The following UBR4 variants were observed in gnomAD, a reference collection of about 807,000 sequenced individuals.
The protein encoded by UBR4 is E3 ubiquitin-protein ligase UBR4.
In UBR4, 124 loss-of-function variants were observed where a neutral mutation model predicts 575.6. The ratio of observed to expected loss-of-function variants is 0.22; its 90% CI spans 0.19 to 0.25. The LOEUF (loss-of-function observed/expected upper bound fraction) is 0.25. UBR4 is among the 10% of genes least tolerant of loss of function. The pLI is 1.00. For missense variants in UBR4, 4,818 were observed against 6,478.8 expected (o/e 0.74, Z 8.80); for synonymous variants, 2,455 against 2,473.7 (o/e 0.99, Z 0.22).
chr1:19,198,790 A>G lies in UBR4; in HGVS notation c.508+9T>C, dbSNP rs762928985. 2 of 1,614,214 alleles carry G rather than the reference A, an allele frequency of 1.2e-6. No individual in the cohort carries two copies. The highest frequency in any genetic ancestry group is 2.2e-5 in the South Asian group (2 of 91,084). ...GTCATGTGATCAGATCTGTCAAAGG[A>G]ACACCCACCGTCTGAAAGTGTCTTC... On this transcript the variant is annotated intron_variant, in intron 4 of 105. Transcript: ENST00000375254.
intron 61 of UBR4, 60 bp downstream of exon 61, chr1:19,128,918 G>A (rs1455648948): frequency 5.4e-6 from 8 of 1,470,064 alleles, no homozygotes; most frequent in African/African-American, 1.4e-5. Flanking sequence ...GAGAGATGTG[G>A]GCATGCTTAA....
Position 19,093,320 on chromosome 1 carries a change from C to T in UBR4, c.14104G>A (p.Ala4702Thr), listed in dbSNP as rs573168073. The T allele has an allele frequency of 1.2e-4, 200 of 1,613,510 alleles. 3 individuals are homozygous for T. In the Middle Eastern group the frequency reaches 1.4e-3, roughly 11 times the overall value. ...TGCGGGAGGGCTTCATACTTCTTGG[C>T]GCTAGGGATGTGCTTTTTCATGTAG... ...LDYMKKHIPS[A>T]KNLDADIWKK... The change falls in exon 96 of 106, where the codon GCC becomes ACC. Residue 4702 changes from alanine (A) to threonine (T), a missense_variant. By Grantham distance (58) the Ala-to-Thr change is moderately conservative. Coordinates refer to ENST00000375254, the MANE Select transcript of UBR4 (RefSeq NM_020765.3). This position sits in a 1 kb window ranked among gnomAD's most constrained non-coding sequence, Gnocchi z 4.8.
chr1:19,160,363 A>G, intron 38 of UBR4, 82 bp from the exon 39 acceptor site: 2 of 1,313,742 alleles, frequency 1.5e-6, no homozygotes, highest in Non-Finnish European at 2.1e-6. Context: ...TCATCTTGCC[A>G]GTAACTTCCT....
chr1:19,168,661 A>C (rs1417984647), intron 27 of UBR4, among the ~76,000 whole-genome samples: 2 of 152,194 alleles, frequency 1.3e-5, no homozygotes, highest in Non-Finnish European at 2.9e-5. Context: ...GGATATACAA[A>C]GAGTAAGTTA....
rs1442794883 is a variant in UBR4 at position 19,210,231 on chromosome 1, G to C, written c.18C>G (p.Gly6=). Residue 6 remains glycine (G), a synonymous_variant, in exon 1 of 106, where the codon GGC becomes GGG. Transcript: ENST00000375254. The stretch of plus-strand genomic sequence containing the variant: ...CCGGAGCCGCTGCCGCCGCCTCTTC[G>C]CCGCCGCTCGTCGCCATCTTCCGTC... The part of the protein sequence containing the change: MATSG[G]EEAAAAAPAP... 4 of 1,429,188 alleles carry C rather than the reference G, an allele frequency of 2.8e-6. No homozygotes were observed. The East Asian group carries it at 1.2e-4, about 41-fold the overall frequency. 88.5% of individuals were successfully genotyped at this position (1,429,188 alleles called of 1,614,324 possible). A position where few individuals can be genotyped will look rare whatever the true frequency, so the allele number is the denominator to read the frequency against.
intron 11 of UBR4, among the ~76,000 whole-genome samples, chr1:19,190,458 G>A (rs1477300157): frequency 2.6e-5 from 4 of 151,760 alleles, no homozygotes; most frequent in Non-Finnish European, 5.9e-5. Context: ...ATGCAGTCCA[G>A]GCTGTGACCT....
Position 19,161,015 on chromosome 1 carries a change from C to T in UBR4, c.5308G>A (p.Val1770Ile). The T allele has an allele frequency of 1.2e-6, 2 of 1,614,184 alleles. No individual in the cohort carries two copies. The highest frequency in any genetic ancestry group is 1.7e-6 in the Non-Finnish European group (2 of 1,180,038). ...GCAACCTTTCCATCACTGATGGTAA[C>T]CTTGGCTTTGTCAGCTGGCGAGGAG... ...STSSPADKAK[V>I]TISDGKVADE... Residue 1770 changes from valine (V) to isoleucine (I), a missense_variant, in exon 38 of 106, where the codon GTT (valine) becomes ATT (isoleucine). By Grantham distance (29) the Val-to-Ile change is conservative. Around this residue, in one of 29 missense-constraint regions of UBR4, gnomAD observed 159 missense variants for 174.6 expected, o/e 0.91. Coordinates refer to ENST00000375254, the MANE Select transcript of UBR4 (RefSeq NM_020765.3).
At chr1:19,144,985 AC>A in intron 53 of UBR4, 78 bp from the exon 54 acceptor site, 2 of 1,551,454 alleles carry the variant, frequency 1.3e-6, no homozygotes, top group South Asian at 1.2e-5. Flanking sequence ...CAAAAGTGTA[AC>A]CTTTTATCTC....
At chr1:19,102,140 T>C (rs2078696511) in intron 87 of UBR4, among the ~76,000 whole-genome samples, 1 of 152,232 alleles carries the variant, frequency 6.6e-6, no homozygotes, top group African/African-American at 2.4e-5. Context: ...TAAGGTCTTG[T>C]GAGCACTTTG....
chr1:19,165,179 C>T (rs1052486604), intron 31 of UBR4, 70 bp downstream of exon 31: 6 of 1,501,290 alleles, frequency 4.0e-6, no homozygotes, highest in Non-Finnish European at 5.5e-6. Flanking sequence ...TAAACTCAGG[C>T]AGAAGATATG....
intron 43 of UBR4, among the ~76,000 whole-genome samples, 157 bp from the exon 44 acceptor site, chr1:19,155,232 G>A (rs1303680263): frequency 6.6e-6 from 1 of 152,086 alleles, no homozygotes; most frequent in Non-Finnish European, 1.5e-5. Flanking sequence ...TGAGAAAAAT[G>A]GAACTTGAAG....
intron 78 of UBR4, chr1:19,112,284 C>T (rs570344505): frequency 4.3e-6 from 2 of 469,868 alleles, no homozygotes; most frequent in African/African-American, 3.9e-5. Context: ...TTCCTCAAGA[C>T]ACTGTACTGG....
In UBR4 at chr1:19,100,481, A is replaced by G. The variant is rs755832005; in HGVS notation, c.13116T>C (p.Tyr4372=). The change falls in exon 89 of 106, where the codon TAT becomes TAC. Residue 4372 remains tyrosine, a synonymous_variant. Coordinates refer to ENST00000375254, the MANE Select transcript of UBR4 (RefSeq NM_020765.3). This position sits in a 1 kb window ranked among gnomAD's most constrained non-coding sequence, Gnocchi z 4.2. ...GCCCGATGCCTGGCTCATTGCTGCTATACGGGTTCCCAGGCATCCTGCCCT... is the reference window on the plus strand; with the variant it reads ...GCCCGATGCCTGGCTCATTGCTGCTGTACGGGTTCCCAGGCATCCTGCCCT... ...FLQGRMPGNP[Y]SSNEPGIGPL... 1.9e-6 allele frequency: 3 copies of G among 1,613,978 alleles called. No individual in the cohort carries two copies. In the African/African-American group the frequency reaches 4.0e-5, roughly 22 times the overall value.
chr1:19,077,941 G>T (rs2076119831), intron 104 of UBR4, 35 bp downstream of exon 104: 1 of 1,612,942 alleles, frequency 6.2e-7, no homozygotes, highest in Admixed American at 1.7e-5. Flanking sequence ...TTACACTCTT[G>T]CCAAAACCCA....
In UBR4 at chr1:19,117,743, T is replaced by C; in HGVS notation, c.10629+80A>G. On this transcript the variant is annotated intron_variant, in intron 72 of 105. Coordinates refer to ENST00000375254, the MANE Select transcript of UBR4 (RefSeq NM_020765.3). This position sits in a 1 kb window ranked among gnomAD's most constrained non-coding sequence, Gnocchi z 4.0. ...AACCATTAGGAGAGGAACATCTATG[T>C]GATAATGATCCATCTCTGGAAACAA... 1.5e-6 allele frequency: 2 copies of C among 1,318,850 alleles called. No homozygotes were observed. Among genetic ancestry groups the C allele is most frequent in the Admixed American group, 1.8e-5 (1 of 56,712 alleles). 81.7% of individuals were successfully genotyped at this position (1,318,850 alleles called of 1,614,324 possible).
intron 54 of UBR4, among the ~76,000 whole-genome samples, 197 bp from the exon 55 acceptor site, chr1:19,144,288 G>A (rs751573689): frequency 1.3e-5 from 2 of 152,268 alleles, no homozygotes; most frequent in East Asian, 1.9e-4. Flanking sequence ...AGAGCCATTC[G>A]CTAACCTCCT....
Position 19,086,729 on chromosome 1 carries a change from G to A in UBR4, c.14637C>T (p.Thr4879=), listed in dbSNP as rs201306631. ...NKPRKQQGYS[T]VSHFNIVHYD... is the part of the protein sequence containing the mutation. ...AGTGCACAATGTTGAAGTGGGACACGGTGCTGTAGCCCTGCTGTTTCCGGG... is the reference window on the plus strand; with the variant it reads ...AGTGCACAATGTTGAAGTGGGACACAGTGCTGTAGCCCTGCTGTTTCCGGG... The change falls in exon 100 of 106, where the codon ACC becomes ACT. Residue 4879 remains threonine (T), a synonymous_variant. Transcript: ENST00000375254. 3.7e-5 allele frequency: 59 copies of A among 1,614,242 alleles called. No individual in the cohort carries two copies. The highest frequency in any genetic ancestry group is 1.1e-4 in the African/African-American group (8 of 75,060).
intron 1 of UBR4, among the ~76,000 whole-genome samples, chr1:19,207,851 A>G (rs1188467359): frequency 6.6e-6 from 1 of 152,170 alleles, no homozygotes; most frequent in Non-Finnish European, 1.5e-5. Context: ...GCCCATAGAT[A>G]TAATTTTAAA....
rs113028898 is a variant in UBR4 at position 19,191,442 on chromosome 1, G to C, written c.1394+746C>G. Among the ~76,000 whole-genome samples, 1,182 of 152,286 alleles carry C rather than the reference G, an allele frequency of 7.8e-3. 25 individuals carry two copies. The highest frequency in any genetic ancestry group is 0.027 in the African/African-American group (1,140 of 41,564). ...GCCACAATCACGCCACTGCACTCCAGCATGGGCAACAGAGGGAGACTATGT... is the reference window on the plus strand; with the variant it reads ...GCCACAATCACGCCACTGCACTCCACCATGGGCAACAGAGGGAGACTATGT... On this transcript the variant is annotated intron_variant, in intron 11 of 105. Transcript: ENST00000375254.
Sources: allele counts gnomAD v4.1 joint callset (sites outside exome capture counted in the v4.1 genomes callset), GRCh38; gene constraint gnomAD v4.1.1; regional missense constraint gnomAD v4.1.1; non-coding constraint Gnocchi (gnomAD v3.1); transcripts MANE v1.5; gene names NCBI Gene and HGNC (gene_info 2026-07-23, HGNC 2026-07-21).